MPC1: variants seen among roughly 807,000 people sequenced by gnomAD.
MPC1 encodes HSPC040 protein.
In MPC1, 6 loss-of-function variants were observed where a neutral mutation model predicts 13.9. The ratio of observed to expected loss-of-function variants is 0.43; its 90% CI spans 0.24 to 0.85. MPC1 has a LOEUF of 0.85. MPC1 is among the 40% of genes least tolerant of loss of function. MPC1 has a pLI of 0.24. For missense variants in MPC1, 115 were observed against 143.3 expected (o/e 0.80, Z 1.01); for synonymous variants, 47 against 50.5 (o/e 0.93, Z 0.29).
At chr6:166,375,453 T>TC (rs1779534603) in intron 1 of MPC1, among the ~76,000 whole-genome samples, 1 of 144,906 alleles carries the variant, frequency 6.9e-6, no homozygotes, top group African/African-American at 2.6e-5. Context: ...TAATTTGCTT[T>TC]TTTTTTTTTT....
intron 1 of MPC1, among the ~76,000 whole-genome samples, chr6:166,372,713 A>G (rs139321409): frequency 2.8e-3 from 412 of 149,686 alleles, no homozygotes; most frequent in African/African-American, 9.8e-3. Context: ...TAGAAAAAAA[A>G]ATGCTTCCAA....
intron 1 of MPC1, among the ~76,000 whole-genome samples, chr6:166,373,861 C>T (rs1779473608): frequency 9.5e-6 from 1 of 104,754 alleles, no homozygotes; most frequent in Non-Finnish European, 2.2e-5. Flanking sequence ...GGTGTCCAAT[C>T]TTCTGGCAGA....
intron 1 of MPC1, among the ~76,000 whole-genome samples, chr6:166,371,048 C>T (rs1779361749): frequency 6.6e-6 from 1 of 152,230 alleles, no homozygotes. Flanking sequence ...GAACTAGTCA[C>T]ATTTCAGGTG....
rs1779168048 is a variant in MPC1, at chr6:166,366,696, C to CT, written c.172+98dup. 147 of 1,159,666 alleles carry CT rather than the reference C, an allele frequency of 1.3e-4. 4 individuals are homozygous for CT. The South Asian group carries it at 1.9e-3, about 15-fold the overall frequency. 71.8% of individuals were successfully genotyped at this position (1,159,666 alleles called of 1,614,324 possible). A position where few individuals can be genotyped will look rare whatever the true frequency, so the allele number is the denominator to read the frequency against. On this transcript the variant is annotated intron_variant, in intron 3 of 4. Transcript: ENST00000360961. ...GCCATCACATTCTGTATGTGACTTT[C>CT]TAATAGTGACTGTAACATCTAGTGC...
chr6:166,366,687 T>A, intron 3 of MPC1, 108 bp downstream of exon 3: 1 of 1,025,762 alleles, frequency 9.7e-7, no homozygotes, highest in Non-Finnish European at 1.5e-6. Context: ...ACATTCTGTA[T>A]GTGACTTTCT....
chr6:166,366,392 GT>G, intron 3 of MPC1, among the ~76,000 whole-genome samples: 1 of 152,258 alleles, frequency 6.6e-6, no homozygotes, highest in South Asian at 2.1e-4. Flanking sequence ...GTCTCCTGGA[GT>G]TGCTTATAAT....
chr6:166,382,227 G>C (rs1039112067), intron 1 of MPC1, among the ~76,000 whole-genome samples: 1 of 152,128 alleles, frequency 6.6e-6, no homozygotes, highest in Non-Finnish European at 1.5e-5. Flanking sequence ...GGCGCCCACT[G>C]TCACCCCTGC....
At chr6:166,372,038 T>C (rs976458395) in intron 1 of MPC1, among the ~76,000 whole-genome samples, 28 of 152,182 alleles carry the variant, frequency 1.8e-4, no homozygotes, top group African/African-American at 6.5e-4. Context: ...CAAATATAAT[T>C]ATCCAAATTA....
At chr6:166,375,832 G>A (rs1779549278) in intron 1 of MPC1, among the ~76,000 whole-genome samples, 1 of 152,136 alleles carries the variant, frequency 6.6e-6, no homozygotes, top group Non-Finnish European at 1.5e-5. Context: ...TGTTCCATGT[G>A]AGCTTGAGAA....
At chr6:166,372,320 T>A (rs1459227750) in intron 1 of MPC1, among the ~76,000 whole-genome samples, 2 of 152,218 alleles carry the variant, frequency 1.3e-5, no homozygotes, top group Non-Finnish European at 2.9e-5. Flanking sequence ...TTTAGGACTC[T>A]CTCCTTAAAT....
chr6:166,368,808 TTCC>T (rs1371080961), intron 2 of MPC1: 11 of 985,528 alleles, frequency 1.1e-5, no homozygotes, highest in Non-Finnish European at 1.2e-5. Flanking sequence ...GATCTTCCTT[TTCC>T]TCCTTTTTTG....
At chr6:166,381,103 G>C (rs1779764289) in intron 1 of MPC1, among the ~76,000 whole-genome samples, 1 of 152,104 alleles carries the variant, frequency 6.6e-6, no homozygotes, top group Non-Finnish European at 1.5e-5. Context: ...TTAGTAAAAA[G>C]CTAAAGTAAT....
chr6:166,366,916 T>G, intron 2 of MPC1, 25 bp from the exon 3 acceptor site: 3 of 1,613,646 alleles, frequency 1.9e-6, no homozygotes, highest in Non-Finnish European at 2.5e-6. Flanking sequence ...AGGAAAAGAA[T>G]GAAGAGAGGA....
At chr6:166,380,777 TA>T (rs1192822206) in intron 1 of MPC1, among the ~76,000 whole-genome samples, 8 of 151,742 alleles carry the variant, frequency 5.3e-5, no homozygotes, top group Non-Finnish European at 1.2e-4. Context: ...CCGTCTCTAT[TA>T]AAAATACAAA....
intron 2 of MPC1, 100 bp from the exon 3 acceptor site, chr6:166,366,991 G>C (rs201621198): frequency 6.3e-7 from 1 of 1,585,524 alleles, no homozygotes; most frequent in African/African-American, 1.3e-5. Context: ...CGTGAAACTC[G>C]TGAGAACAAA....
chr6:166,380,599 G>T (rs997058360), intron 1 of MPC1, among the ~76,000 whole-genome samples: 1 of 152,122 alleles, frequency 6.6e-6, no homozygotes, highest in South Asian at 2.1e-4. Flanking sequence ...TAGAAAAGCA[G>T]AACTCTCTTC....
At chr6:166,379,627 T>C (rs1245347313) in intron 1 of MPC1, among the ~76,000 whole-genome samples, 1 of 152,220 alleles carries the variant, frequency 6.6e-6, no homozygotes. Flanking sequence ...AATTATGTTA[T>C]TAATTTTTAA....
chr6:166,378,365 C>G (rs1779642867), intron 1 of MPC1, among the ~76,000 whole-genome samples: 1 of 152,048 alleles, frequency 6.6e-6, no homozygotes, highest in Non-Finnish European at 1.5e-5. Flanking sequence ...TTAAAGCACT[C>G]TATGATCTAG....
chr6:166,370,038 A>T, intron 2 of MPC1, 180 bp downstream of exon 2: 2 of 714,760 alleles, frequency 2.8e-6, no homozygotes, highest in Non-Finnish European at 5.2e-6. Context: ...CATGGCTGTC[A>T]CAGAGCTCGT....
Sources: allele counts gnomAD v4.1 joint callset (sites outside exome capture counted in the v4.1 genomes callset), GRCh38; gene constraint gnomAD v4.1.1; transcripts MANE v1.5; gene names NCBI Gene and HGNC (gene_info 2026-07-23, HGNC 2026-07-21).